POU2F2: variants seen among roughly 807,000 people sequenced by gnomAD.
The protein encoded by POU2F2 is POU class 2 homeobox 2, also known as POU domain, class 2, transcription factor 2.
A neutral mutation model predicts 63.5 loss-of-function variants in POU2F2; 14 were observed. The observed-to-expected ratio is 0.22, with a 90% CI of 0.15 to 0.34. The LOEUF is 0.34. Among genes scored for constraint, POU2F2 ranks in the 10% least tolerant of loss-of-function variants. POU2F2 has a pLI of 1.00. For synonymous variants in POU2F2, 306 were observed against 348.6 expected (o/e 0.88, Z 1.36); for missense variants, 607 against 815.2 (o/e 0.74, Z 3.11).
chr19:42,149,431 T>G (rs2034297085), intron 2 of POU2F2, among the ~76,000 whole-genome samples: 1 of 151,910 alleles, frequency 6.6e-6, no homozygotes, highest in Non-Finnish European at 1.5e-5. Context: ...GAGATGGGGC[T>G]AGACAAGGGA....
intron 5 of POU2F2, among the ~76,000 whole-genome samples, chr19:42,102,507 A>T (rs569906256): frequency 1.1e-3 from 166 of 152,228 alleles, no homozygotes; most frequent in African/African-American, 3.8e-3. Context: ...CTGTAATCCC[A>T]GCACCTTGGG....
intron 1 of POU2F2, among the ~76,000 whole-genome samples, chr19:42,185,755 A>C (rs974261358): frequency 1.3e-5 from 2 of 152,234 alleles, no homozygotes; most frequent in African/African-American, 4.8e-5. Flanking sequence ...CCTCCATAGA[A>C]GGTACCGGGG....
At chr19:42,149,166 A>T (rs142540491) in intron 2 of POU2F2, among the ~76,000 whole-genome samples, 1 of 152,258 alleles carries the variant, frequency 6.6e-6, no homozygotes, top group South Asian at 2.1e-4. Flanking sequence ...CTCGCTTTTC[A>T]GGGGAAACCA....
upstream of POU2F2, chr19:42,132,605 G>T (rs1004400348): frequency 4.4e-6 from 2 of 450,904 alleles, no homozygotes; most frequent in Non-Finnish European, 7.7e-6. Flanking sequence ...GTGTGTGCTG[G>T]GGGGTGGGGG....
At chr19:42,171,695 GC>G (rs1182795851) in intron 1 of POU2F2, among the ~76,000 whole-genome samples, 1 of 152,182 alleles carries the variant, frequency 6.6e-6, no homozygotes, top group African/African-American at 2.4e-5. Context: ...GTCTGTGAAT[GC>G]CACATGAGTC....
rs1426277488 is a variant in POU2F2 at position 42,155,230 on chromosome 19, A to G, written c.-9+5102T>C. Among the ~76,000 whole-genome samples, 1 of 152,208 alleles carries G rather than the reference A, an allele frequency of 6.6e-6. No individual in the cohort carries two copies. Among genetic ancestry groups the G allele is most frequent in the Non-Finnish European group, 1.5e-5 (1 of 68,038 alleles). On this transcript the variant is annotated intron_variant, in intron 2 of 6. Coordinates refer to the POU2F2 transcript ENST00000524801. The surrounding 1 kb of genome is among the most constrained non-coding windows in gnomAD (Gnocchi z 4.2). Reference sequence around the variant, plus strand: ...ATGCACTCTCATGCGCTCAGCTCGCATGCACGCGCCCTCTCTTTCTCTCTG... The same window carrying G: ...ATGCACTCTCATGCGCTCAGCTCGCGTGCACGCGCCCTCTCTTTCTCTCTG...
intron 5 of POU2F2, among the ~76,000 whole-genome samples, chr19:42,109,001 C>T (rs2030617262): frequency 6.6e-6 from 1 of 152,244 alleles, no homozygotes; most frequent in Admixed American, 6.5e-5. Flanking sequence ...TGAGGTGAAA[C>T]CTCAGGACAG....
chr19:42,125,339 A>AT (rs2033095285), intron 1 of POU2F2, among the ~76,000 whole-genome samples: 1 of 148,250 alleles, frequency 6.7e-6, no homozygotes, highest in South Asian at 2.2e-4. Context: ...TCCAGCTTGG[A>AT]TAATAGAGCA....
chr19:42,159,243 G>C (rs1161062360), intron 2 of POU2F2, among the ~76,000 whole-genome samples: 1 of 152,112 alleles, frequency 6.6e-6, no homozygotes, highest in Non-Finnish European at 1.5e-5. Flanking sequence ...CAGAAACCCT[G>C]GCAAGTCAGG....
upstream of POU2F2, among the ~76,000 whole-genome samples, chr19:42,135,775 C>A (rs900149655): frequency 6.6e-6 from 1 of 150,620 alleles, no homozygotes; most frequent in Non-Finnish European, 1.5e-5. Context: ...TGGCACAATC[C>A]CGGCTCACTG....
chr19:42,169,875 T>C lies in POU2F2; in HGVS notation c.-70+6088A>G, dbSNP rs889068787. Among the ~76,000 whole-genome samples, 2 of 151,994 alleles carry C rather than the reference T, an allele frequency of 1.3e-5. No homozygotes were observed. Among genetic ancestry groups the C allele is most frequent in the Non-Finnish European group, 2.9e-5 (2 of 68,000 alleles). On this transcript the variant is annotated intron_variant, in intron 1 of 6. Transcript: ENST00000524801. This position sits in a 1 kb window ranked among gnomAD's most constrained non-coding sequence, Gnocchi z 4.3. Reference sequence around the variant, plus strand: ...AGTACCTTTTCTCTGTCTCTCTCTCTCTCACACACACACCCTTGCTCATAT... The same window carrying C: ...AGTACCTTTTCTCTGTCTCTCTCTCCCTCACACACACACCCTTGCTCATAT...
In POU2F2 at chr19:42,089,752, T is replaced by A. The variant is rs1310707421; in HGVS notation, c.*1505A>T. On this transcript the variant is annotated 3_prime_UTR_variant, in exon 15 of 15. Transcript: ENST00000692977. ...TATATGTTTATATATATATATAAAT[T>A]TTTTTTCTAGTTTAAATTTATTGTT... The A allele has an allele frequency of 6.7e-6, 1 of 148,752 alleles. No homozygotes were observed. The highest frequency in any genetic ancestry group is 1.5e-5 in the Non-Finnish European group (1 of 67,310). 9.2% of individuals were successfully genotyped at this position (148,752 alleles called of 1,614,324 possible). A position where few individuals can be genotyped will look rare whatever the true frequency, so the allele number is the denominator to read the frequency against.
Position 42,095,691 on chromosome 19 carries a change from T to C in POU2F2, c.874A>G (p.Thr292Ala), listed in dbSNP as rs1247608827. ...GGCAGGCTTGAGTCCACAGACATAG[T>C]CTCTGTGCGCCGGGGGAGACGTGAG... Reference protein sequence around the residue: ...LLEKWLNDAETMSVDSSLPSP... With the variant: ...LLEKWLNDAEAMSVDSSLPSP... The change falls in exon 10 of 15, where the codon ACT becomes GCT. Residue 292 changes from threonine (T) to alanine (A), a missense_variant and splice_region_variant. Around this residue, in one of 7 missense-constraint regions of POU2F2, gnomAD observed 39 missense variants for 36.3 expected, o/e 1.07. Coordinates refer to ENST00000692977, the MANE Select transcript of POU2F2 (RefSeq NM_001394376.1). The surrounding 1 kb of genome is among the most constrained non-coding windows in gnomAD (Gnocchi z 7.1). The C allele has an allele frequency of 1.2e-6, 2 of 1,611,638 alleles. No homozygotes were observed. The highest frequency in any genetic ancestry group is 1.3e-5 in the African/African-American group (1 of 74,996).
At chr19:42,193,136 G>C (rs2146828872) in intron 1 of POU2F2, among the ~76,000 whole-genome samples, 1 of 149,160 alleles carries the variant, frequency 6.7e-6, no homozygotes, top group South Asian at 2.1e-4. Flanking sequence ...TGAGGCGGGA[G>C]AATGGCGGGA....
Position 42,087,042 on chromosome 19 carries a change from G to C in POU2F2, c.*4215C>G, listed in dbSNP as rs2076570721. The C allele has an allele frequency of 6.6e-6, 1 of 151,726 alleles. No homozygotes were observed. The highest frequency in any genetic ancestry group is 6.6e-5 in the Admixed American group (1 of 15,242). 9.4% of individuals were successfully genotyped at this position (151,726 alleles called of 1,614,324 possible). A position where few individuals can be genotyped will look rare whatever the true frequency, so the allele number is the denominator to read the frequency against. On this transcript the variant is annotated 3_prime_UTR_variant, in exon 15 of 15. Transcript: ENST00000692977. Reference sequence around the variant, plus strand: ...AAAGTTTAAACCGCATGAAGGACTTGCGGCTTGGAGTTTTTGTGTATTTTT... The same window carrying C: ...AAAGTTTAAACCGCATGAAGGACTTCCGGCTTGGAGTTTTTGTGTATTTTT...
chr19:42,090,946 T>G lies in POU2F2; in HGVS notation c.*311A>C. The G allele has an allele frequency of 3.0e-5, 7 of 232,368 alleles. No individual in the cohort carries two copies. Among genetic ancestry groups the G allele is most frequent in the East Asian group, 9.4e-5 (1 of 10,646 alleles). The allele number at this position is 232,368 out of a possible 1,614,324, so 14.4% of individuals were successfully genotyped here. On this transcript the variant is annotated 3_prime_UTR_variant, in exon 15 of 15. Transcript: ENST00000692977. This position sits in a 1 kb window ranked among gnomAD's most constrained non-coding sequence, Gnocchi z 4.4. Reference sequence around the variant, plus strand: ...CGCTGAGGTCTGGCTCGCGACTGGTTTTTTGGTTTGTTTGATTTTGTGGGT... The same window carrying G: ...CGCTGAGGTCTGGCTCGCGACTGGTGTTTTGGTTTGTTTGATTTTGTGGGT...
Position 42,194,716 on chromosome 19 carries a change from G to A in POU2F2, c.-70+1667C>T, listed in dbSNP as rs528603775. Among the ~76,000 whole-genome samples the A allele has an allele frequency of 7.9e-5, 9 of 113,694 alleles. No homozygotes were observed. In the East Asian group the frequency reaches 1.2e-3, roughly 15 times the overall value. 74.6% of individuals were successfully genotyped at this position (113,694 alleles called of 152,430 possible). Reference sequence around the variant, plus strand: ...GGAGGTTACAGTGAGCCGAAATCACGCCACTGAAGTCCAGCCTGGGCAACA... The same window carrying A: ...GGAGGTTACAGTGAGCCGAAATCACACCACTGAAGTCCAGCCTGGGCAACA... On this transcript the variant is annotated intron_variant, in intron 1 of 5. Transcript: ENST00000532176.
At chr19:42,091,823 G>T in intron 14 of POU2F2, 44 bp downstream of exon 14, 1 of 1,540,600 alleles carries the variant, frequency 6.5e-7, no homozygotes, top group Non-Finnish European at 8.7e-7. Context: ...AGGCCCCAGA[G>T]GATAGGGCTG....
intron 2 of POU2F2, among the ~76,000 whole-genome samples, chr19:42,141,517 C>T (rs1462964313): frequency 1.6e-5 from 2 of 126,884 alleles, no homozygotes; most frequent in Non-Finnish European, 3.1e-5. Context: ...GTCTTGCTCT[C>T]GTTGCCCAGG....
Sources: gnomAD v4.1 joint callset for allele counts (sites outside exome capture counted in the v4.1 genomes callset) on GRCh38, gnomAD v4.1.1 for gene constraint, gnomAD v4.1.1 regional missense constraint, Gnocchi (gnomAD v3.1) non-coding constraint, MANE v1.5 for transcripts, NCBI Gene and HGNC (gene_info 2026-07-23, HGNC 2026-07-21) for gene names.